Variants in AGBL1 observed in about 807,000 individuals in gnomAD.
The protein encoded by AGBL1 is AGBL carboxypeptidase 1, also known as cytosolic carboxypeptidase 4.
In AGBL1, 130 loss-of-function variants were observed where a neutral mutation model predicts 118.9. That is an observed-to-expected ratio of 1.09 (90% CI 0.95 to 1.26). The LOEUF is 1.26. Ranked by LOEUF, AGBL1 falls within the 50% of genes most tolerant of loss-of-function variation. AGBL1 has a pLI of 0.00. For missense variants in AGBL1, 1,584 were observed against 1,298.1 expected (o/e 1.22, Z -3.38); for synonymous variants, 555 against 478.9 (o/e 1.16, Z -2.08).
chr15:86,959,932 G>C (rs946190977), intron 23 of AGBL1, among the ~76,000 whole-genome samples: 2 of 151,998 alleles, frequency 1.3e-5, no homozygotes, highest in Non-Finnish European at 2.9e-5. Flanking sequence ...CATTTGTCTT[G>C]TTCAGGGGAA....
intron 22 of AGBL1, among the ~76,000 whole-genome samples, chr15:86,728,589 C>T (rs1409072307): frequency 6.6e-6 from 1 of 152,012 alleles, no homozygotes; most frequent in East Asian, 1.9e-4. Flanking sequence ...AAAAACCTTG[C>T]CTTTATTTAG....
intron 18 of AGBL1, among the ~76,000 whole-genome samples, chr15:86,461,238 G>A (rs2082332136): frequency 6.6e-6 from 1 of 152,084 alleles, no homozygotes; most frequent in Admixed American, 6.6e-5. Flanking sequence ...AGAAAGTCCT[G>A]CAACCACTCT....
chr15:86,953,073 A>G (rs2141673408), intron 23 of AGBL1, among the ~76,000 whole-genome samples: 1 of 152,026 alleles, frequency 6.6e-6, no homozygotes, highest in South Asian at 2.1e-4. Context: ...TGGTTACTAT[A>G]GTTTTATCGT....
intron 22 of AGBL1, among the ~76,000 whole-genome samples, chr15:86,903,975 C>T (rs1567232215): frequency 1.3e-5 from 2 of 152,024 alleles, no homozygotes; most frequent in East Asian, 1.9e-4. Flanking sequence ...TCTTGGCTCC[C>T]GCATGAGGGA....
intron 18 of AGBL1, among the ~76,000 whole-genome samples, chr15:86,432,325 C>T (rs983515686): frequency 6.6e-6 from 1 of 152,190 alleles, no homozygotes; most frequent in East Asian, 1.9e-4. Flanking sequence ...CCTCTCATCT[C>T]CCTAGGTTCC....
intron 21 of AGBL1, among the ~76,000 whole-genome samples, chr15:86,649,727 C>T (rs1420339866): frequency 6.9e-6 from 1 of 144,058 alleles, no homozygotes; most frequent in Non-Finnish European, 1.5e-5. Context: ...TACATAAAAA[C>T]AATTATTCTG....
chr15:86,453,345 A>T (rs917215292), intron 18 of AGBL1, among the ~76,000 whole-genome samples: 5 of 152,242 alleles, frequency 3.3e-5, no homozygotes, highest in Admixed American at 2.6e-4. Flanking sequence ...CCTAAATTAA[A>T]TATAGATGCA....
intron 5 of AGBL1, among the ~76,000 whole-genome samples, chr15:86,173,962 T>C (rs1376920616): frequency 6.6e-6 from 1 of 152,178 alleles, no homozygotes; most frequent in Admixed American, 6.6e-5. Context: ...TGGAGGTTTT[T>C]CTCTATTTCT....
intron 23 of AGBL1, among the ~76,000 whole-genome samples, chr15:86,944,790 T>G (rs555131428): frequency 6.6e-6 from 1 of 152,280 alleles, no homozygotes; most frequent in East Asian, 1.9e-4. Context: ...ACTCAGCAAT[T>G]CCATTTTCAA....
chr15:86,228,382 G>C (rs957761011), intron 6 of AGBL1, among the ~76,000 whole-genome samples: 2 of 152,154 alleles, frequency 1.3e-5, no homozygotes, highest in Non-Finnish European at 2.9e-5. Context: ...CTTGATCTTT[G>C]CTTGTCAGTG....
At position 86,915,317 on chromosome 15, in the gene AGBL1, G is replaced by A. The variant is rs559029385; in HGVS notation, c.*8023G>A. On this transcript the variant is annotated 3_prime_UTR_variant, in exon 23 of 23. Transcript: ENST00000614907. ...TATAATTTGTCAGTGACCTCCCATG[G>A]TCTTAAGGATAAAATGCAGACAGGA... 6.6e-6 allele frequency: 1 copy of A among 152,248 alleles called. No homozygotes were observed. Among genetic ancestry groups the A allele is most frequent in the South Asian group, 2.1e-4 (1 of 4,820 alleles). 9.4% of individuals were successfully genotyped at this position (152,248 alleles called of 1,614,324 possible). A position where few individuals can be genotyped will look rare whatever the true frequency, so the allele number is the denominator to read the frequency against.
chr15:86,358,174 A>G (rs563400249), intron 17 of AGBL1, among the ~76,000 whole-genome samples: 6 of 152,098 alleles, frequency 3.9e-5, no homozygotes, highest in South Asian at 2.1e-4. Context: ...CCTTTAATCA[A>G]TATCTCCCCA....
At chr15:86,828,897 G>A (rs1200442682) in intron 22 of AGBL1, among the ~76,000 whole-genome samples, 1 of 124,400 alleles carries the variant, frequency 8.0e-6, no homozygotes, top group Non-Finnish European at 1.6e-5. Context: ...TAATTCATAT[G>A]GTCATAAAGT....
At chr15:86,453,989 A>T (rs188273667) in intron 18 of AGBL1, among the ~76,000 whole-genome samples, 1 of 152,074 alleles carries the variant, frequency 6.6e-6, no homozygotes, top group African/African-American at 2.4e-5. Context: ...TTAAGGATAG[A>T]CTGCTATTTT....
chr15:86,813,165 G>A (rs1371479980), intron 22 of AGBL1, among the ~76,000 whole-genome samples: 1 of 150,812 alleles, frequency 6.6e-6, no homozygotes, highest in East Asian at 2.0e-4. Flanking sequence ...GGGACCTTCA[G>A]GCTGATGGGA....
intron 19 of AGBL1, among the ~76,000 whole-genome samples, chr15:86,539,130 T>C (rs529893523): frequency 6.6e-6 from 1 of 152,172 alleles, no homozygotes; most frequent in Non-Finnish European, 1.5e-5. Context: ...GAGAGGGGAA[T>C]TGGTTTAGTC....
At position 86,097,189 on chromosome 15, in the gene AGBL1, A is replaced by G. The variant is rs566433175; in HGVS notation, c.51+17166A>G. ...TTTTTGATGTTTATTTTTAGAATTG[A>G]TACATCATATTTTTACATATTTATG... On this transcript the variant is annotated intron_variant, in intron 1 of 22. Coordinates refer to ENST00000614907, the MANE Select transcript of AGBL1 (RefSeq NM_001386094.1). Among the ~76,000 whole-genome samples, 131 of 152,246 alleles carry G rather than the reference A, an allele frequency of 8.6e-4. 1 individual carries two copies. In the Middle Eastern group the frequency reaches 0.014, roughly 16 times the overall value.
rs578025462 is a variant in AGBL1, at chr15:86,142,041, A to C, written c.89A>C (p.Lys30Thr). ...AAGGAGTCCATCCTGACCATCCTCA[A>C]GGTCCTCGGAGATCTGCTTTCTGTT... is the stretch of plus-strand genomic sequence containing the variant. Reference protein sequence around the residue: ...SDKESILTILKVLGDLLSVGT... With the variant: ...SDKESILTILTVLGDLLSVGT... The change falls in exon 2 of 23, where the codon AAG (lysine) becomes ACG (threonine). Residue 30 changes from lysine to threonine, a missense_variant. Coordinates refer to ENST00000614907, the MANE Select transcript of AGBL1 (RefSeq NM_001386094.1). 5.5e-5 allele frequency: 85 copies of C among 1,550,128 alleles called. No homozygotes were observed. The Middle Eastern group carries it at 6.7e-4, about 12-fold the overall frequency.
At chr15:86,897,133 C>G (rs1234380171) in intron 22 of AGBL1, among the ~76,000 whole-genome samples, 1 of 152,186 alleles carries the variant, frequency 6.6e-6, no homozygotes, top group Non-Finnish European at 1.5e-5. Flanking sequence ...TAAAATCAGT[C>G]TATGTTTCTC....
Sources: gnomAD v4.1 joint callset for allele counts (sites outside exome capture counted in the v4.1 genomes callset) on GRCh38, gnomAD v4.1.1 for gene constraint, MANE v1.5 for transcripts, NCBI Gene and HGNC (gene_info 2026-07-23, HGNC 2026-07-21) for gene names.